Variants in PCCA observed in about 807,000 individuals in gnomAD.
PCCA encodes the protein propionyl-CoA carboxylase alpha chain, mitochondrial.
PCCA carries 74 observed loss-of-function variants against 101.3 expected under a neutral mutation model. The ratio of observed to expected loss-of-function variants is 0.73; its 90% CI spans 0.61 to 0.89. The LOEUF is 0.89. Among genes scored for constraint, PCCA ranks in the 40% least tolerant of loss-of-function variants. The pLI, the probability that PCCA is intolerant of heterozygous loss-of-function variation, is 0.00. For missense variants in PCCA, 891 were observed against 907.0 expected, an observed-to-expected ratio of 0.98 and a Z score of 0.23; for synonymous variants, 294 against 313.6, an observed-to-expected ratio of 0.94 and a Z score of 0.66.
At chr13:100,320,480 T>C (rs2067903625) in intron 16 of PCCA, among the ~76,000 whole-genome samples, 1 of 152,216 alleles carries the variant, frequency 6.6e-6, no homozygotes, top group Non-Finnish European at 1.5e-5. Context: ...ATAGCTCTTA[T>C]TATTTTGAGA....
rs533726868 is a variant in PCCA at position 100,492,242 on chromosome 13, C to T, written c.1900-23185C>T. ...CTCCACCTCCCAGGTTCACGCCATT[C>T]TCCTGCCCCTGCCTCCCGAGTAGCT... On this transcript the variant is annotated intron_variant, in intron 21 of 23. Transcript: ENST00000376285. 5.3e-5 allele frequency among the ~76,000 whole-genome samples: 8 copies of T among 152,194 alleles called. 1 individual carries two copies. Among genetic ancestry groups the T allele is most frequent in the East Asian group, 1.9e-4 (1 of 5,174 alleles).
At chr13:100,131,499 A>C (rs1245997857) in intron 4 of PCCA, among the ~76,000 whole-genome samples, 18 of 152,148 alleles carry the variant, frequency 1.2e-4, no homozygotes, top group Admixed American at 1.2e-3. Context: ...TTTATTTACA[A>C]TTTTATTTCA....
chr13:100,524,072 T>C (rs1444951133), intron 22 of PCCA, among the ~76,000 whole-genome samples: 1 of 152,206 alleles, frequency 6.6e-6, no homozygotes, highest in East Asian at 1.9e-4. Context: ...GTACCCTACA[T>C]GTACTCTACG....
At chr13:100,377,545 A>G (rs1011025041) in intron 19 of PCCA, among the ~76,000 whole-genome samples, 2 of 151,978 alleles carry the variant, frequency 1.3e-5, no homozygotes, top group African/African-American at 4.8e-5. Flanking sequence ...CCCAGGCTGG[A>G]GTGCAGTGGC....
intron 21 of PCCA, among the ~76,000 whole-genome samples, chr13:100,473,765 A>G (rs2083203038): frequency 6.6e-6 from 1 of 152,222 alleles, no homozygotes; most frequent in South Asian, 2.1e-4. Context: ...CAGTAGCAAA[A>G]TGACACATGC....
intron 6 of PCCA, among the ~76,000 whole-genome samples, chr13:100,172,047 A>AC (rs1467088032): frequency 6.6e-6 from 1 of 151,424 alleles, no homozygotes; most frequent in Non-Finnish European, 1.5e-5. Context: ...AAAAAAAAAA[A>AC]AATATTAGCT....
intron 14 of PCCA, among the ~76,000 whole-genome samples, chr13:100,303,554 A>G (rs560072331): frequency 4.6e-4 from 70 of 152,180 alleles, no homozygotes; most frequent in African/African-American, 1.7e-3. Flanking sequence ...TATTTTGAAA[A>G]TAGTTTTTGT....
chr13:100,212,353 A>C (rs544916650), intron 7 of PCCA, among the ~76,000 whole-genome samples: 74 of 152,340 alleles, frequency 4.9e-4, no homozygotes, highest in Non-Finnish European at 4.7e-4. Context: ...ACTCAACTAC[A>C]TGGGACACAT....
intron 8 of PCCA, among the ~76,000 whole-genome samples, chr13:100,251,323 G>T (rs1324726332): frequency 2.0e-5 from 3 of 152,158 alleles, no homozygotes; most frequent in African/African-American, 7.2e-5. Context: ...AATAGAACAG[G>T]TTACAGTCTG....
At chr13:100,167,858 C>A (rs2055207610) in intron 6 of PCCA, among the ~76,000 whole-genome samples, 1 of 152,068 alleles carries the variant, frequency 6.6e-6, no homozygotes, top group South Asian at 2.1e-4. Context: ...GCTCTGCCTC[C>A]CGGGTTCATG....
At chr13:100,472,274 G>C (rs957739393) in intron 21 of PCCA, among the ~76,000 whole-genome samples, 2 of 151,994 alleles carry the variant, frequency 1.3e-5, no homozygotes, top group Non-Finnish European at 2.9e-5. Context: ...CCCTGGGCAC[G>C]ACGACCTTGG....
chr13:100,186,746 A>AAAAAAAAAAAC (rs1160492599), intron 6 of PCCA, among the ~76,000 whole-genome samples: 4 of 151,574 alleles, frequency 2.6e-5, no homozygotes, highest in Non-Finnish European at 5.9e-5. Context: ...CTCAAAAAAA[A>AAAAAAAAAAAC]AACAAAAAAA....
intron 19 of PCCA, among the ~76,000 whole-genome samples, chr13:100,419,949 C>T (rs1420826297): frequency 1.3e-5 from 2 of 152,210 alleles, no homozygotes; most frequent in African/African-American, 4.8e-5. Context: ...AGCATGGCTG[C>T]TAAACACCTC....
At chr13:100,163,763 C>T (rs908243795) in intron 6 of PCCA, among the ~76,000 whole-genome samples, 2 of 152,108 alleles carry the variant, frequency 1.3e-5, no homozygotes, top group African/African-American at 4.8e-5. Context: ...GGATTTATGT[C>T]TAGCATTTTA....
chr13:100,136,888 A>C (rs1460472250), intron 4 of PCCA, among the ~76,000 whole-genome samples: 1 of 151,752 alleles, frequency 6.6e-6, no homozygotes, highest in Non-Finnish European at 1.5e-5. Flanking sequence ...TTCTCTTTTA[A>C]AAATTATTGA....
At chr13:100,319,170 T>G (rs1024699712) in intron 16 of PCCA, among the ~76,000 whole-genome samples, 1 of 152,196 alleles carries the variant, frequency 6.6e-6, no homozygotes, top group African/African-American at 2.4e-5. Context: ...TCGCCCACTT[T>G]TTGATGGGGT....
At chr13:100,105,844 CAAAAAAAAAAAAAAAAAAAA>C (rs71114671) in intron 2 of PCCA, among the ~76,000 whole-genome samples, 5 of 62,506 alleles carry the variant, frequency 8.0e-5, no homozygotes, top group Admixed American at 2.6e-4. Context: ...GATCCTGTCT[CAAAAAAAAAAAAAAAAAAAA>C]AAAAAAAAAA....
At chr13:100,501,379 CT>C (rs951764490) in intron 21 of PCCA, among the ~76,000 whole-genome samples, 24 of 152,192 alleles carry the variant, frequency 1.6e-4, no homozygotes, top group African/African-American at 5.3e-4. Context: ...CCCCGTCACC[CT>C]TCTGAGTCTC....
At chr13:100,513,346 C>T (rs1383570930) in intron 21 of PCCA, among the ~76,000 whole-genome samples, 7 of 152,166 alleles carry the variant, frequency 4.6e-5, no homozygotes, top group Admixed American at 4.6e-4. Flanking sequence ...GTCACTTATC[C>T]CCCAAACAGA....
Sources: gnomAD v4.1 joint callset for allele counts (sites outside exome capture counted in the v4.1 genomes callset) on GRCh38, gnomAD v4.1.1 for gene constraint, MANE v1.5 for transcripts, NCBI Gene and HGNC (gene_info 2026-07-23, HGNC 2026-07-21) for gene names.